Variants in PPM1H observed in about 807,000 individuals in gnomAD.
PPM1H encodes the protein protein phosphatase, Mg2+/Mn2+ dependent 1H.
In PPM1H, 27 loss-of-function variants were observed where a neutral mutation model predicts 54.9. The ratio of observed to expected loss-of-function variants is 0.49; its 90% confidence interval spans 0.36 to 0.68. The LOEUF (loss-of-function observed/expected upper bound fraction) is 0.68. PPM1H is among the 30% of genes least tolerant of loss of function. PPM1H has a pLI of 0.00. For missense variants in PPM1H, 596 were observed against 667.8 expected, an observed-to-expected ratio of 0.89 and a Z score of 1.19; for synonymous variants, 305 against 270.8, an observed-to-expected ratio of 1.13 and a Z score of -1.24.
intron 9 of PPM1H, among the ~76,000 whole-genome samples, chr12:62,661,898 C>A (rs1458977067): frequency 6.6e-6 from 1 of 152,250 alleles, no homozygotes; most frequent in Non-Finnish European, 1.5e-5. Flanking sequence ...CTATTTCTTG[C>A]TGATAAACTG....
rs569745914 is a variant in PPM1H, at chr12:62,825,151, C to T, written c.411+6963G>A. Among the ~76,000 whole-genome samples, 4 of 152,300 alleles carry T rather than the reference C, an allele frequency of 2.6e-5. No homozygotes were observed. The South Asian group carries it at 8.3e-4, about 32-fold the overall frequency. ...CACATGAAAAAAATCCTCATCATCA[C>T]TGGTCATCAGAGAAATACAAATCAG... On this transcript the variant is annotated intron_variant, in intron 2 of 9. Transcript: ENST00000228705.
chr12:62,827,748 A>G (rs1174049797), intron 2 of PPM1H, among the ~76,000 whole-genome samples: 1 of 152,010 alleles, frequency 6.6e-6, no homozygotes, highest in East Asian at 1.9e-4. Flanking sequence ...TTCACTTTCC[A>G]AGATCCCAGC....
At chr12:62,916,088 T>A (rs960264140) in intron 1 of PPM1H, among the ~76,000 whole-genome samples, 3 of 152,166 alleles carry the variant, frequency 2.0e-5, no homozygotes, top group African/African-American at 4.8e-5. Context: ...CTTATTATAT[T>A]ATAGTTATAC....
At position 62,784,855 on chromosome 12, in the gene PPM1H, T is replaced by A. The variant is rs572671481; in HGVS notation, c.869+3371A>T. Among the ~76,000 whole-genome samples, 16 of 152,356 alleles carry A rather than the reference T, an allele frequency of 1.1e-4. No individual in the cohort carries two copies. The East Asian group carries it at 2.9e-3, about 28-fold the overall frequency. On this transcript the variant is annotated intron_variant, in intron 4 of 9. Transcript: ENST00000228705. ...AAAAGAGCTGCAAATAGCACTCTAG[T>A]AAGTGTCGCATAAACGATCCTTTGG... is the stretch of plus-strand genomic sequence containing the variant.
intron 5 of PPM1H, 72 bp downstream of exon 5, chr12:62,737,430 C>T (rs2076356827): frequency 4.8e-6 from 5 of 1,038,180 alleles, no homozygotes; most frequent in South Asian, 3.3e-5. Context: ...TCAGTAGCAA[C>T]GTGTTCCTCC....
chr12:62,765,509 T>C (rs992397663), intron 4 of PPM1H, among the ~76,000 whole-genome samples: 3 of 152,120 alleles, frequency 2.0e-5, no homozygotes, highest in South Asian at 2.1e-4. Flanking sequence ...AGCAATACTA[T>C]ACATAATCAA....
At chr12:62,902,156 T>C (rs1478186693) in intron 1 of PPM1H, among the ~76,000 whole-genome samples, 1 of 151,530 alleles carries the variant, frequency 6.6e-6, no homozygotes, top group Non-Finnish European at 1.5e-5. Context: ...AGGTCAGGAG[T>C]TCGAGACCAG....
intron 5 of PPM1H, chr12:62,720,604 T>G (rs758800617): frequency 4.3e-5 from 13 of 305,842 alleles, no homozygotes; most frequent in Non-Finnish European, 1.9e-5. Context: ...AATGGTATAC[T>G]GGTGAGATAC....
chr12:62,888,263 A>G (rs1870662421), intron 1 of PPM1H, among the ~76,000 whole-genome samples: 1 of 152,172 alleles, frequency 6.6e-6, no homozygotes, highest in African/African-American at 2.4e-5. Context: ...AGGGAGAGGC[A>G]GGAATTACAG....
At chr12:62,854,008 AG>A (rs1236169014) in intron 1 of PPM1H, among the ~76,000 whole-genome samples, 3 of 152,172 alleles carry the variant, frequency 2.0e-5, no homozygotes, top group Admixed American at 1.3e-4. Flanking sequence ...GCTCCAAAAA[AG>A]TCTTCTGATA....
chr12:62,755,832 C>T (rs1419054304), intron 4 of PPM1H: 2 of 800,200 alleles, frequency 2.5e-6, no homozygotes, highest in Admixed American at 1.8e-5. Context: ...AGCCACGGCG[C>T]TCTCCAGAAC....
intron 4 of PPM1H, among the ~76,000 whole-genome samples, chr12:62,741,147 T>A (rs1043395168): frequency 1.2e-4 from 18 of 152,176 alleles, no homozygotes; most frequent in Non-Finnish European, 2.1e-4. Context: ...ATTTTCCACC[T>A]AGTTGCTCGT....
intron 4 of PPM1H, among the ~76,000 whole-genome samples, chr12:62,770,907 G>T (rs2076575309): frequency 1.3e-5 from 2 of 152,114 alleles, no homozygotes; most frequent in African/African-American, 4.8e-5. Flanking sequence ...CAGGAGCCGG[G>T]TGGGAAAGCA....
At chr12:62,798,023 T>TAAA (rs2076746092) in intron 3 of PPM1H, among the ~76,000 whole-genome samples, 1 of 152,112 alleles carries the variant, frequency 6.6e-6, no homozygotes, top group South Asian at 2.1e-4. Flanking sequence ...GCTTCTCACT[T>TAAA]AATAAGGCCA....
intron 4 of PPM1H, among the ~76,000 whole-genome samples, chr12:62,763,271 C>A (rs1221387283): frequency 6.6e-6 from 1 of 152,206 alleles, no homozygotes; most frequent in Non-Finnish European, 1.5e-5. Flanking sequence ...CCCCTGTAAC[C>A]CTGGACTGGC....
At chr12:62,878,134 G>C (rs962511951) in intron 1 of PPM1H, among the ~76,000 whole-genome samples, 1 of 152,072 alleles carries the variant, frequency 6.6e-6, no homozygotes, top group Non-Finnish European at 1.5e-5. Flanking sequence ...TCCTGACCTC[G>C]TGATCCACCC....
intron 1 of PPM1H, among the ~76,000 whole-genome samples, chr12:62,874,747 T>G (rs183784720): frequency 1.3e-5 from 2 of 152,372 alleles, no homozygotes; most frequent in East Asian, 3.9e-4. Context: ...AAATGTCTTT[T>G]TCTTTCAAAG....
intron 4 of PPM1H, among the ~76,000 whole-genome samples, chr12:62,764,925 A>C (rs1168237914): frequency 6.6e-6 from 1 of 152,234 alleles, no homozygotes; most frequent in African/African-American, 2.4e-5. Context: ...GGAGCTGGAC[A>C]AAGCCATGCG....
At chr12:62,671,551 A>G (rs2075956878) in intron 8 of PPM1H, among the ~76,000 whole-genome samples, 1 of 152,192 alleles carries the variant, frequency 6.6e-6, no homozygotes, top group South Asian at 2.1e-4. Context: ...ACAACTTCTA[A>G]ACTAGTAGAT....
Sources: allele counts gnomAD v4.1 joint callset (sites outside exome capture counted in the v4.1 genomes callset), GRCh38; gene constraint gnomAD v4.1.1; transcripts MANE v1.5; gene names NCBI Gene and HGNC (gene_info 2026-07-23, HGNC 2026-07-21).